Variants in ABCC9 observed in about 807,000 individuals in gnomAD.
ABCC9 encodes the protein ATP-binding cassette sub-family C member 9.
In ABCC9, 95 loss-of-function variants were observed where a neutral mutation model predicts 188.3. That is an observed-to-expected ratio of 0.50 (90% confidence interval 0.43 to 0.60). ABCC9 has a LOEUF of 0.60. ABCC9 is among the 20% of genes least tolerant of loss of function. The pLI is 0.00. For missense variants in ABCC9, 1,102 were observed against 1,876.3 expected (o/e 0.59, Z 7.62); for synonymous variants, 659 against 652.7 (o/e 1.01, Z -0.15).
At chr12:21,825,330 C>T (rs984554915) in intron 31 of ABCC9, among the ~76,000 whole-genome samples, 7 of 152,118 alleles carry the variant, frequency 4.6e-5, no homozygotes, top group East Asian at 1.9e-4. Context: ...TCTACTATAA[C>T]GATACATGCA....
Position 21,801,121 on chromosome 12 carries a change from A to T in ABCC9, c.4573T>A (p.Leu1525Ile). The change falls in exon 40 of 40, where the codon TTA (leucine) becomes ATA (isoleucine). Residue 1525 changes from leucine to isoleucine, a missense_variant. Transcript: ENST00000261200. ...LVIVMKRGNI[L>I]EYDTPESLLA... The stretch of plus-strand genomic sequence containing the variant: ...AGGCTTTCTGGAGTGTCATATTCTA[A>T]AATATTTCCTCGCTTCATCACAATA... 6.2e-7 allele frequency: 1 copy of T among 1,614,064 alleles called. No homozygotes were observed. The highest frequency in any genetic ancestry group is 8.5e-7 in the Non-Finnish European group (1 of 1,179,948).
rs1447088494 is a variant in ABCC9, at chr12:21,805,901, A to G, written c.4512+97T>C. 1.2e-5 allele frequency: 14 copies of G among 1,133,244 alleles called. No homozygotes were observed. The East Asian group carries it at 2.3e-4, about 19-fold the overall frequency. 70.2% of individuals were successfully genotyped at this position (1,133,244 alleles called of 1,614,324 possible). On this transcript the variant is annotated intron_variant, in intron 39 of 39. Transcript: ENST00000261200. ...TACAGAAACATTAGCAGAGAAATAC[A>G]TAATTCAACACAAGTATATTTTGCT...
intron 31 of ABCC9, among the ~76,000 whole-genome samples, chr12:21,823,658 G>A (rs1439116690): frequency 6.6e-6 from 1 of 152,228 alleles, no homozygotes; most frequent in African/African-American, 2.4e-5. Flanking sequence ...TGGAAAGACA[G>A]CCTTTAGATA....
chr12:21,852,156 CAT>C lies in ABCC9; in HGVS notation c.2708_2709del (p.Asp903GlyfsTer2). 6.2e-7 allele frequency: 1 copy of C among 1,613,770 alleles called. No homozygotes were observed. On this transcript the variant is annotated frameshift_variant, in exon 24 of 40. Coordinates refer to ENST00000261200, the MANE Select transcript of ABCC9 (RefSeq NM_020297.4). LOFTEE classifies it high-confidence loss of function. ...GTTTTCCAGTGTTCATAAAGCTCAA[CAT>C]CTTTGGTTTGAATGTCCTTCAAAGT... ...EGTLKDIQTK[D>X]VELYEHWKTL...
intron 14 of ABCC9, among the ~76,000 whole-genome samples, chr12:21,890,404 T>A (rs754683897): frequency 1.3e-5 from 2 of 152,072 alleles, no homozygotes; most frequent in Non-Finnish European, 2.9e-5. Context: ...ACTTTTAATC[T>A]CCTGAAGATA....
chr12:21,876,144 T>TA (rs1752153921), intron 16 of ABCC9, among the ~76,000 whole-genome samples: 1 of 152,182 alleles, frequency 6.6e-6, no homozygotes, highest in Non-Finnish European at 1.5e-5. Flanking sequence ...GATTTAGAGT[T>TA]ACGGCTATTT....
At chr12:21,848,353 A>C in intron 24 of ABCC9, 107 bp from the exon 25 acceptor site, 2 of 962,340 alleles carry the variant, frequency 2.1e-6, no homozygotes, top group South Asian at 2.7e-5. Flanking sequence ...ACCAATCTCA[A>C]GCGCTCTGTG....
intron 2 of ABCC9, among the ~76,000 whole-genome samples, chr12:21,939,420 T>C (rs1418884590): frequency 6.6e-6 from 1 of 152,242 alleles, no homozygotes; most frequent in Non-Finnish European, 1.5e-5. Context: ...TTGATAATTA[T>C]TGTGTTTATC....
intron 11 of ABCC9, 53 bp downstream of exon 11, chr12:21,908,024 T>C (rs1948125030): frequency 6.3e-7 from 1 of 1,576,948 alleles, no homozygotes; most frequent in East Asian, 2.3e-5. Context: ...TATTATAAAA[T>C]TAAAACAGCA....
At chr12:21,842,092 T>G (rs561206933) in intron 29 of ABCC9, among the ~76,000 whole-genome samples, 2 of 152,342 alleles carry the variant, frequency 1.3e-5, no homozygotes, top group Non-Finnish European at 2.9e-5. Context: ...CATCTGTATG[T>G]TACTTATTCT....
In ABCC9 at chr12:21,824,639, T is replaced by C. The variant is rs577089505; in HGVS notation, c.3669+4319A>G. Among the ~76,000 whole-genome samples, 7 of 152,310 alleles carry C rather than the reference T, an allele frequency of 4.6e-5. No individual in the cohort carries two copies. In the East Asian group the frequency reaches 1.3e-3, roughly 29 times the overall value. ...CTGGTCCTGGGCTTTTTTTGGTTGG[T>C]AGGCTACTAATTATTGCCTCAATTT... On this transcript the variant is annotated intron_variant, in intron 31 of 39. Coordinates refer to ENST00000261200, the MANE Select transcript of ABCC9 (RefSeq NM_020297.4).
chr12:21,864,379 G>T, intron 19 of ABCC9, 60 bp downstream of exon 19: 1 of 1,198,706 alleles, frequency 8.3e-7, no homozygotes, highest in Non-Finnish European at 1.2e-6. Flanking sequence ...AGATTAAAGA[G>T]ATTAAAGTCT....
chr12:21,878,719 A>G (rs948574399), intron 16 of ABCC9, among the ~76,000 whole-genome samples: 2 of 152,120 alleles, frequency 1.3e-5, no homozygotes, highest in Non-Finnish European at 2.9e-5. Context: ...ATGGTCTGAA[A>G]GTAGCAGGAA....
At position 21,801,058 on chromosome 12, in the gene ABCC9, G is replaced by T. The variant is rs766300688; in HGVS notation, c.4636C>A (p.Arg1546Ser). The T allele has an allele frequency of 1.9e-6, 3 of 1,613,776 alleles. No individual in the cohort carries two copies. The highest frequency in any genetic ancestry group is 1.7e-5 in the Admixed American group (1 of 60,010). Residue 1546 changes from arginine (R) to serine (S), a missense_variant, in exon 40 of 40, where the codon CGC (arginine) becomes AGC (serine). This residue lies in a region of ABCC9 where 30 missense variants were observed against 34.3 expected (regional missense o/e 0.87). Transcript: ENST00000261200. Reference protein sequence around the residue: ...QENGVFASFVRADM With the variant: ...QENGVFASFVSADM ...AAGACACTCCTTCACATGTCTGCGC[G>T]AACAAAAGAAGCAAATACTCCATTT... is the stretch of plus-strand genomic sequence containing the variant.
chr12:21,909,132 A>G lies in ABCC9; in HGVS notation c.1321-921T>C, dbSNP rs866462581. On this transcript the variant is annotated intron_variant, in intron 10 of 39. Coordinates refer to ENST00000261200, the MANE Select transcript of ABCC9 (RefSeq NM_020297.4). ...CCTTAAGGTCACCCATGATGCAGTC[A>G]TTCAGAGACTTTTGGTGCACTTAAA... 3.3e-5 allele frequency among the ~76,000 whole-genome samples: 5 copies of G among 151,990 alleles called. No individual in the cohort carries two copies. In the South Asian group the frequency reaches 8.3e-4, roughly 25 times the overall value.
At chr12:21,822,790 C>CA (rs538002229) in intron 31 of ABCC9, among the ~76,000 whole-genome samples, 5,063 of 83,546 alleles carry the variant, frequency 0.061, 210 homozygotes, top group African/African-American at 0.13. Context: ...GACTCCGTCT[C>CA]AAAAAAAAAA....
At position 21,936,554 on chromosome 12, in the gene ABCC9, T is replaced by C; in HGVS notation, c.121A>G (p.Thr41Ala). ...TTACCAATAAACAATATTGGAAAAG[T>C]GATAAACAACAGAAAGACATGAGGG... Reference protein sequence around the residue: ...LVPHVFLLFITFPILFIGWGS... With the variant: ...LVPHVFLLFIAFPILFIGWGS... Residue 41 changes from threonine to alanine, a missense_variant, in exon 3 of 40, where the codon ACT becomes GCT. Thr to Ala is a moderately conservative substitution (Grantham distance 58). Transcript: ENST00000261200. The C allele has an allele frequency of 6.2e-7, 1 of 1,612,700 alleles. No homozygotes were observed. The highest frequency in any genetic ancestry group is 8.5e-7 in the Non-Finnish European group (1 of 1,179,100).
Position 21,844,366 on chromosome 12 carries a change from T to C in ABCC9, c.3315+117A>G. 1.3e-5 allele frequency: 11 copies of C among 863,498 alleles called. No individual in the cohort carries two copies. In the Admixed American group the frequency reaches 1.8e-4, roughly 14 times the overall value. The allele number at this position is 863,498 out of a possible 1,614,324, so 53.5% of individuals were successfully genotyped here. On this transcript the variant is annotated intron_variant, in intron 28 of 39. Transcript: ENST00000261200. ...GTATTGATACAAATACAAATGGGCC[T>C]TTATTTAAATTTCAGAAATCCTCTA...
At chr12:21,923,866 G>A in intron 5 of ABCC9, 1 of 697,564 alleles carries the variant, frequency 1.4e-6, no homozygotes, top group Non-Finnish European at 2.6e-6. Flanking sequence ...CCTGGAAATA[G>A]TACAGATGTC....
Sources: gnomAD v4.1 joint callset for allele counts (sites outside exome capture counted in the v4.1 genomes callset) on GRCh38, gnomAD v4.1.1 for gene constraint, gnomAD v4.1.1 regional missense constraint, MANE v1.5 for transcripts, NCBI Gene and HGNC (gene_info 2026-07-23, HGNC 2026-07-21) for gene names.